The following SAMD5 variants were observed in gnomAD, a reference collection of about 807,000 sequenced individuals.
SAMD5 encodes the protein sterile alpha motif domain-containing protein 5.
In SAMD5, 13 loss-of-function variants were observed where a neutral mutation model predicts 11.3. The ratio of observed to expected loss-of-function variants is 1.15; its 90% CI spans 0.75 to 1.83. The LOEUF (loss-of-function observed/expected upper bound fraction) is 1.83, where lower values mean the gene tolerates loss of function less well. Among genes scored for constraint, SAMD5 ranks in the 40% most tolerant of loss-of-function variants. SAMD5 has a pLI of 0.00. For missense variants in SAMD5, 255 were observed against 239.1 expected (o/e 1.07, Z -0.44); for synonymous variants, 129 against 111.3 (o/e 1.16, Z -1.00).
chr6:147,792,489 A>G, the SAMD5 span, among the ~76,000 whole-genome samples: 1 of 152,208 alleles, frequency 6.6e-6, no homozygotes, highest in East Asian at 1.9e-4. Flanking sequence ...GTATATATAG[A>G]AATATTTATG....
the SAMD5 span, among the ~76,000 whole-genome samples, chr6:147,946,882 C>T: frequency 6.6e-6 from 1 of 152,192 alleles, no homozygotes; most frequent in African/African-American, 2.4e-5. Context: ...TATTTTGGAT[C>T]ACAGTTAACC....
At chr6:147,572,525 G>T (rs1474332290), downstream of SAMD5, among the ~76,000 whole-genome samples, 1 of 152,108 alleles carries the variant, frequency 6.6e-6, no homozygotes, top group East Asian at 1.9e-4. Context: ...ACCCTGGCTA[G>T]AGTGCAGTGG....
At chr6:147,789,714 C>A in the SAMD5 span, among the ~76,000 whole-genome samples, 2 of 152,174 alleles carry the variant, frequency 1.3e-5, no homozygotes, top group Non-Finnish European at 2.9e-5. Flanking sequence ...GTTTAGTCAT[C>A]AGGTCTACTC....
intron 1 of SAMD5, among the ~76,000 whole-genome samples, chr6:147,627,503 T>C (rs1790073187): frequency 6.6e-6 from 1 of 152,226 alleles, no homozygotes; most frequent in Admixed American, 6.5e-5. Flanking sequence ...GGAATATTTC[T>C]ATTGCAATAA....
chr6:147,688,443 A>G (rs1021760926), intron 1 of SAMD5, among the ~76,000 whole-genome samples: 18 of 152,194 alleles, frequency 1.2e-4, no homozygotes, highest in African/African-American at 4.1e-4. Context: ...AGCACTTAGG[A>G]TAAAGGAGAT....
the SAMD5 span, among the ~76,000 whole-genome samples, chr6:147,897,649 TA>T: frequency 6.6e-6 from 1 of 152,038 alleles, no homozygotes; most frequent in African/African-American, 2.4e-5. Context: ...ATTTGGATTA[TA>T]AAAACGTAGC....
intron 1 of SAMD5, among the ~76,000 whole-genome samples, chr6:147,697,505 A>G (rs1173403762): frequency 1.3e-5 from 2 of 152,126 alleles, no homozygotes; most frequent in South Asian, 2.1e-4. Context: ...TTATCTTAAC[A>G]TGTTTCCAGT....
At chr6:147,897,267 A>G in the SAMD5 span, among the ~76,000 whole-genome samples, 4 of 152,002 alleles carry the variant, frequency 2.6e-5, no homozygotes, top group Admixed American at 2.6e-4. Context: ...TAGAGGGGGG[A>G]AAAGATAACC....
chr6:147,797,366 A>T, the SAMD5 span, among the ~76,000 whole-genome samples: 21 of 128,914 alleles, frequency 1.6e-4, no homozygotes, highest in African/African-American at 3.5e-4. Flanking sequence ...ATGCTGGATT[A>T]CATTTATTGA....
chr6:147,780,998 G>A, the SAMD5 span, among the ~76,000 whole-genome samples: 1 of 152,264 alleles, frequency 6.6e-6, no homozygotes, highest in South Asian at 2.1e-4. Flanking sequence ...CAATTTGAGT[G>A]TTGCTGGGCA....
downstream of SAMD5, among the ~76,000 whole-genome samples, chr6:147,572,690 T>C (rs1444863251): frequency 2.0e-5 from 3 of 150,406 alleles, no homozygotes; most frequent in Non-Finnish European, 4.5e-5. Flanking sequence ...AAACTAATAA[T>C]CAATTGATTT....
the SAMD5 span, among the ~76,000 whole-genome samples, chr6:147,744,853 A>G: frequency 4.6e-5 from 7 of 150,790 alleles, no homozygotes; most frequent in African/African-American, 1.5e-4. Flanking sequence ...AGCTGAGATC[A>G]CACCACTGCA....
At chr6:147,681,634 G>A (rs1790942066) in intron 1 of SAMD5, among the ~76,000 whole-genome samples, 1 of 152,008 alleles carries the variant, frequency 6.6e-6, no homozygotes, top group Non-Finnish European at 1.5e-5. Flanking sequence ...TTACCTTGTT[G>A]CATGCTGGAA....
the SAMD5 span, among the ~76,000 whole-genome samples, chr6:147,765,637 G>T: frequency 6.6e-6 from 1 of 152,222 alleles, no homozygotes; most frequent in Non-Finnish European, 1.5e-5. Flanking sequence ...TTATCACCAA[G>T]AAATTAGTCA....
intron 1 of SAMD5, among the ~76,000 whole-genome samples, chr6:147,592,716 C>T (rs556838422): frequency 1.4e-4 from 22 of 151,910 alleles, no homozygotes; most frequent in African/African-American, 5.1e-4. Flanking sequence ...TCTGCTCTTC[C>T]GTAAAACAGA....
the SAMD5 span, among the ~76,000 whole-genome samples, chr6:147,907,343 A>G: frequency 1.3e-5 from 2 of 152,172 alleles, no homozygotes; most frequent in African/African-American, 2.4e-5. Context: ...TGCTTTTTCT[A>G]TGCTGGGCAA....
intron 1 of SAMD5, among the ~76,000 whole-genome samples, chr6:147,649,080 T>A (rs1790445299): frequency 6.6e-6 from 1 of 152,224 alleles, no homozygotes; most frequent in South Asian, 2.1e-4. Context: ...GTTTTCCATA[T>A]GCCGTTACTG....
chr6:147,805,993 A>G, the SAMD5 span, among the ~76,000 whole-genome samples: 9 of 152,124 alleles, frequency 5.9e-5, no homozygotes, highest in Non-Finnish European at 2.9e-5. Context: ...CTGCATCCAG[A>G]CAGTCTCAGA....
the SAMD5 span, among the ~76,000 whole-genome samples, chr6:147,798,046 G>T: frequency 4.0e-5 from 6 of 150,056 alleles, no homozygotes; most frequent in South Asian, 1.1e-3. Flanking sequence ...TTTTCGAAGG[G>T]TTTTTTTTGT....
Sources: allele counts gnomAD v4.1 joint callset (sites outside exome capture counted in the v4.1 genomes callset), GRCh38; gene constraint gnomAD v4.1.1; transcripts MANE v1.5; gene names NCBI Gene and HGNC (gene_info 2026-07-23, HGNC 2026-07-21).